LYRM4: variants seen among roughly 807,000 people sequenced by gnomAD.
LYRM4 encodes the protein LYR motif containing 4.
Under a neutral mutation model 11.7 loss-of-function variants are expected in LYRM4, and 9 were observed. The ratio of observed to expected loss-of-function variants is 0.77; its 90% CI spans 0.46 to 1.34. LYRM4 has a LOEUF of 1.34. LYRM4 is among the 40% of genes most tolerant of loss of function. LYRM4 has a pLI of 0.00. For missense variants in LYRM4, 133 were observed against 112.5 expected (o/e 1.18, Z -0.82); for synonymous variants, 42 against 40.4 (o/e 1.04, Z -0.15).
At chr6:5,100,435 T>C (rs450649), downstream of LYRM4, among the ~76,000 whole-genome samples, 115,496 of 152,092 alleles carry the variant, frequency 0.76, 44,455 homozygotes, top group East Asian at 0.93. Flanking sequence ...GGAAGATGAC[T>C]GCTCTGGACC....
the LYRM4 span, among the ~76,000 whole-genome samples, chr6:5,045,050 G>A: frequency 6.6e-6 from 1 of 152,170 alleles, no homozygotes; most frequent in African/African-American, 2.4e-5. Context: ...TACCATGTTG[G>A]TGGCATGCTG....
At chr6:5,195,788 G>A (rs915522572) in intron 2 of LYRM4, among the ~76,000 whole-genome samples, 19 of 152,158 alleles carry the variant, frequency 1.2e-4, no homozygotes, top group African/African-American at 4.6e-4. Context: ...TTCACCTGAG[G>A]CACATAGCAA....
chr6:5,218,487 C>A (rs1762404762), intron 1 of LYRM4: 3 of 540,424 alleles, frequency 5.6e-6, no homozygotes, highest in South Asian at 1.6e-4. Context: ...AATGTCAGGT[C>A]TATTTGCATT....
the LYRM4 span, among the ~76,000 whole-genome samples, chr6:5,073,562 TTATA>T: frequency 8.8e-5 from 13 of 148,190 alleles, no homozygotes; most frequent in South Asian, 2.1e-4. Flanking sequence ...AAATACTATA[TTATA>T]TATAGTACAT....
intron 2 of LYRM4, among the ~76,000 whole-genome samples, chr6:5,116,614 C>T (rs1256353625): frequency 2.0e-5 from 3 of 152,258 alleles, no homozygotes; most frequent in Non-Finnish European, 4.4e-5. Context: ...AGTTACAGTC[C>T]CTCCAGAATC....
At chr6:5,124,982 T>C (rs1411269112) in intron 2 of LYRM4, among the ~76,000 whole-genome samples, 1 of 152,204 alleles carries the variant, frequency 6.6e-6, no homozygotes, top group Non-Finnish European at 1.5e-5. Flanking sequence ...GATGAGCCCA[T>C]TTCATGTCCC....
the LYRM4 span, among the ~76,000 whole-genome samples, chr6:5,040,121 A>C: frequency 1.3e-5 from 2 of 152,208 alleles, no homozygotes; most frequent in Non-Finnish European, 2.9e-5. Context: ...AGCTTTAAAC[A>C]GCCTGGGCAA....
At chr6:5,161,558 T>A (rs1461293212) in intron 2 of LYRM4, among the ~76,000 whole-genome samples, 7 of 151,980 alleles carry the variant, frequency 4.6e-5, no homozygotes, top group African/African-American at 1.7e-4. Context: ...AAGAGGAGAG[T>A]AAGATTTTAA....
chr6:5,082,138 G>C, the LYRM4 span, among the ~76,000 whole-genome samples: 3 of 152,218 alleles, frequency 2.0e-5, no homozygotes, highest in Non-Finnish European at 4.4e-5. Flanking sequence ...GGGATGGGTT[G>C]TGGGAACACT....
At chr6:5,064,205 A>G in the LYRM4 span, among the ~76,000 whole-genome samples, 1 of 151,832 alleles carries the variant, frequency 6.6e-6, no homozygotes. Flanking sequence ...CTGAAAAAAA[A>G]AGGTGGGAGC....
the LYRM4 span, chr6:5,085,740 T>C: frequency 6.5e-7 from 1 of 1,541,842 alleles, no homozygotes; most frequent in Non-Finnish European, 8.7e-7. Context: ...CGCGCTCCTT[T>C]TCCTTGCCCG....
At chr6:5,113,205 C>A in intron 2 of LYRM4, 1 of 345,842 alleles carries the variant, frequency 2.9e-6, no homozygotes, top group Non-Finnish European at 5.9e-6. Context: ...GAGGTCGAGA[C>A]GGGTGGATCA....
the LYRM4 span, chr6:5,086,195 G>A: frequency 6.5e-7 from 1 of 1,534,316 alleles, no homozygotes; most frequent in Non-Finnish European, 8.7e-7. Context: ...AAGGGCTCCG[G>A]CCGGGTGCTC....
At chr6:5,249,560 T>C (rs113818575) in intron 1 of LYRM4, among the ~76,000 whole-genome samples, 1 of 152,240 alleles carries the variant, frequency 6.6e-6, no homozygotes, top group African/African-American at 2.4e-5. Context: ...CAAACAGAAT[T>C]CCAATGAGAA....
chr6:5,257,239 C>T (rs1416261047), intron 1 of LYRM4, among the ~76,000 whole-genome samples: 1 of 152,150 alleles, frequency 6.6e-6, no homozygotes, highest in East Asian at 1.9e-4. Flanking sequence ...ACCTCAGTGC[C>T]TTCCTGTCAC....
At chr6:5,109,514 G>A (rs2127592826) in intron 2 of LYRM4, 23 bp from the exon 3 acceptor site, 2 of 1,609,642 alleles carry the variant, frequency 1.2e-6, no homozygotes, top group East Asian at 2.2e-5. Context: ...AAAGGACACA[G>A]GTCAGGAACC....
the LYRM4 span, chr6:5,085,257 C>G: frequency 2.2e-6 from 1 of 461,928 alleles, no homozygotes; most frequent in Non-Finnish European, 3.8e-6. Flanking sequence ...GGCGTGGCCC[C>G]GGAGCCGGCC....
the LYRM4 span, among the ~76,000 whole-genome samples, chr6:5,096,376 G>C: frequency 6.6e-6 from 1 of 152,118 alleles, no homozygotes; most frequent in Non-Finnish European, 1.5e-5. Context: ...TGTAGCCCCA[G>C]CTACTTGAGA....
At chr6:5,196,984 C>G (rs1262400744) in intron 2 of LYRM4, among the ~76,000 whole-genome samples, 1 of 152,156 alleles carries the variant, frequency 6.6e-6, no homozygotes, top group Non-Finnish European at 1.5e-5. Flanking sequence ...TAAAAACGCA[C>G]AAGATTGATG....
Sources: gnomAD v4.1 joint callset for allele counts (sites outside exome capture counted in the v4.1 genomes callset) on GRCh38, gnomAD v4.1.1 for gene constraint, MANE v1.5 for transcripts, NCBI Gene and HGNC (gene_info 2026-07-23, HGNC 2026-07-21) for gene names.